The following EPHB1 variants were observed in gnomAD, a reference collection of about 807,000 sequenced individuals.
EPHB1 encodes the protein EPH receptor B1.
A neutral mutation model predicts 94.4 loss-of-function variants in EPHB1; 30 were observed. The ratio of observed to expected loss-of-function variants is 0.32; its 90% CI spans 0.24 to 0.43. EPHB1 has a LOEUF of 0.43. Ranked by LOEUF, EPHB1 falls within the 20% of genes least tolerant of loss-of-function variation. The pLI, the probability that EPHB1 is intolerant of heterozygous loss-of-function variation, is 1.00. For missense variants in EPHB1, 1,055 were observed against 1,308.3 expected (o/e 0.81, Z 2.99); for synonymous variants, 522 against 489.1 (o/e 1.07, Z -0.89).
intron 3 of EPHB1, among the ~76,000 whole-genome samples, chr3:135,011,327 G>A (rs1053951299): frequency 6.6e-6 from 1 of 152,092 alleles, no homozygotes. Flanking sequence ...CTTTATCCTG[G>A]AGATTTAGTA....
intron 3 of EPHB1, among the ~76,000 whole-genome samples, chr3:134,985,068 C>G (rs1264927353): frequency 6.6e-6 from 1 of 152,130 alleles, no homozygotes; most frequent in East Asian, 1.9e-4. Context: ...ACTTGGCTTA[C>G]CAGTTCCTGA....
intron 3 of EPHB1, among the ~76,000 whole-genome samples, chr3:135,102,296 A>G (rs569792962): frequency 1.1e-4 from 17 of 152,326 alleles, no homozygotes; most frequent in Admixed American, 8.5e-4. Flanking sequence ...CGGCTGCTTT[A>G]TATTCTCAAG....
rs1422590121 is a variant in EPHB1, at chr3:135,248,462, G to A, written c.2643G>A (p.Met881Ile). The A allele has an allele frequency of 3.7e-6, 6 of 1,612,946 alleles. No individual in the cohort carries two copies. The South Asian group carries it at 4.4e-5, about 12-fold the overall frequency. Reference sequence around the variant, plus strand: ...AGATTGTCAACACCCTAGATAAGATGATCCGGAACCCGGCAAGTCTCAAGA... The same window carrying A: ...AGATTGTCAACACCCTAGATAAGATAATCCGGAACCCGGCAAGTCTCAAGA... ...FAEIVNTLDK[M>I]IRNPASLKTV... Residue 881 changes from methionine (M) to isoleucine (I), a missense_variant, in exon 14 of 16, where the codon ATG (methionine) becomes ATA (isoleucine). By Grantham distance (10) the Met-to-Ile change is conservative. Coordinates refer to ENST00000398015, the MANE Select transcript of EPHB1 (RefSeq NM_004441.5).
Position 135,079,276 on chromosome 3 carries a change from G to A in EPHB1, c.806-27172G>A, listed in dbSNP as rs932607349. On this transcript the variant is annotated intron_variant, in intron 3 of 15. Transcript: ENST00000398015. Reference sequence around the variant, plus strand: ...CAGAGTGATGGTGACATATTTCTGGGCCTATGCCTACATCCAAATGGATAA... The same window carrying A: ...CAGAGTGATGGTGACATATTTCTGGACCTATGCCTACATCCAAATGGATAA... 2.0e-4 allele frequency among the ~76,000 whole-genome samples: 30 copies of A among 152,186 alleles called. 1 individual carries two copies. The highest frequency in any genetic ancestry group is 6.8e-4 in the African/African-American group (28 of 41,438).
At position 135,093,022 on chromosome 3, in the gene EPHB1, C is replaced by T. The variant is rs556149197; in HGVS notation, c.806-13426C>T. Among the ~76,000 whole-genome samples, 10 of 152,264 alleles carry T rather than the reference C, an allele frequency of 6.6e-5. No homozygotes were observed. The East Asian group carries it at 9.7e-4, about 15-fold the overall frequency. On this transcript the variant is annotated intron_variant, in intron 3 of 15. Transcript: ENST00000398015. Reference sequence around the variant, plus strand: ...GACCCCCTTACACTTCTGATTCCTGCGTATCTGGAATTCCTCACTCCGTGT... The same window carrying T: ...GACCCCCTTACACTTCTGATTCCTGTGTATCTGGAATTCCTCACTCCGTGT...
chr3:135,100,292 G>A (rs1938987899), intron 3 of EPHB1, among the ~76,000 whole-genome samples: 1 of 152,086 alleles, frequency 6.6e-6, no homozygotes, highest in Non-Finnish European at 1.5e-5. Flanking sequence ...AGGGGGAAGG[G>A]CAGAGGTAAC....
intron 3 of EPHB1, among the ~76,000 whole-genome samples, chr3:134,983,270 G>T (rs1341116341): frequency 2.0e-5 from 3 of 152,224 alleles, no homozygotes; most frequent in Admixed American, 6.5e-5. Context: ...GCATATGCTA[G>T]TGACTACTGT....
At chr3:135,010,837 C>T (rs1935596136) in intron 3 of EPHB1, among the ~76,000 whole-genome samples, 1 of 152,086 alleles carries the variant, frequency 6.6e-6, no homozygotes, top group Non-Finnish European at 1.5e-5. Flanking sequence ...GCTGGGATTA[C>T]AGGAGTGAGC....
intron 3 of EPHB1, among the ~76,000 whole-genome samples, chr3:134,966,421 CAA>C (rs1933748751): frequency 6.6e-6 from 1 of 152,208 alleles, no homozygotes; most frequent in Non-Finnish European, 1.5e-5. Context: ...GGGGAGGAAA[CAA>C]GAAATGACAG....
intron 3 of EPHB1, among the ~76,000 whole-genome samples, chr3:135,034,181 CT>C (rs1476329288): frequency 6.6e-6 from 1 of 152,102 alleles, no homozygotes; most frequent in Non-Finnish European, 1.5e-5. Flanking sequence ...CATTTGGGGA[CT>C]TTAAATGTGT....
Position 135,028,352 on chromosome 3 carries a change from G to T in EPHB1, c.805+76300G>T, listed in dbSNP as rs1050020145. 1.1e-3 allele frequency among the ~76,000 whole-genome samples: 158 copies of T among 141,724 alleles called. 2 individuals are homozygous for T. Among genetic ancestry groups the T allele is most frequent in the Middle Eastern group, 0.01 (3 of 286 alleles). 93.0% of individuals were successfully genotyped at this position (141,724 alleles called of 152,430 possible). ...TTTTTGATCTCTCCTGCTTTCTCTT[G>T]TAGGCATTTAGTGCTATAAATTTCC... On this transcript the variant is annotated intron_variant, in intron 3 of 15. Transcript: ENST00000398015.
At chr3:135,000,280 C>A (rs1354479938) in intron 3 of EPHB1, among the ~76,000 whole-genome samples, 1 of 152,214 alleles carries the variant, frequency 6.6e-6, no homozygotes, top group Non-Finnish European at 1.5e-5. Flanking sequence ...TTTTGACAGA[C>A]TTCTGTGTGT....
chr3:135,150,786 G>T (rs1488712099), intron 5 of EPHB1, among the ~76,000 whole-genome samples: 1 of 152,156 alleles, frequency 6.6e-6, no homozygotes, highest in South Asian at 2.1e-4. Context: ...AAATATTGGT[G>T]ACTCCACATT....
intron 3 of EPHB1, among the ~76,000 whole-genome samples, chr3:134,995,258 T>C (rs1350658441): frequency 1.3e-5 from 2 of 152,224 alleles, no homozygotes; most frequent in Admixed American, 6.5e-5. Context: ...TGGGCTTTTT[T>C]TTCACTCAAC....
intron 12 of EPHB1, among the ~76,000 whole-genome samples, chr3:135,218,747 A>C (rs6780653): frequency 0.61 from 92,318 of 152,178 alleles, 29,356 homozygotes; most frequent in Middle Eastern, 0.75. Context: ...TGAGCTCCTC[A>C]AGTTTCCTTC....
chr3:135,133,063 C>A lies in EPHB1; in HGVS notation c.1297+14C>A, dbSNP rs1940477528. 1 of 1,562,114 alleles carries A rather than the reference C, an allele frequency of 6.4e-7. No homozygotes were observed. The highest frequency in any genetic ancestry group is 1.2e-5 in the South Asian group (1 of 83,222). ...CAAACCAAGCCGGTAAGTCTGGAGG[C>A]TTCTGTGCTCCTGTTTGGATGTGTG... On this transcript the variant is annotated intron_variant, in intron 5 of 15. Coordinates refer to ENST00000398015, the MANE Select transcript of EPHB1 (RefSeq NM_004441.5).
intron 1 of EPHB1, among the ~76,000 whole-genome samples, chr3:134,815,523 G>C (rs530123029): frequency 6.6e-6 from 1 of 152,194 alleles, no homozygotes; most frequent in Non-Finnish European, 1.5e-5. Flanking sequence ...GTGAATCAGG[G>C]TAAAAGGAAT....
chr3:134,896,765 C>T (rs2038093720), intron 1 of EPHB1, among the ~76,000 whole-genome samples: 1 of 152,234 alleles, frequency 6.6e-6, no homozygotes, highest in African/African-American at 2.4e-5. Context: ...TGGAAAGCAC[C>T]ACAGGTTTGG....
intron 3 of EPHB1, among the ~76,000 whole-genome samples, chr3:134,985,411 G>C (rs1410537219): frequency 6.6e-6 from 1 of 152,206 alleles, no homozygotes; most frequent in Non-Finnish European, 1.5e-5. Context: ...GCCCACCTCA[G>C]CCTCCCAAAG....
Sources: allele counts gnomAD v4.1 joint callset (sites outside exome capture counted in the v4.1 genomes callset), GRCh38; gene constraint gnomAD v4.1.1; transcripts MANE v1.5; gene names NCBI Gene and HGNC (gene_info 2026-07-23, HGNC 2026-07-21).